Variants in DLGAP2 observed in about 807,000 individuals in gnomAD.
DLGAP2 encodes DLG associated protein 2, also known as disks large-associated protein 2.
Under a neutral mutation model 100.3 loss-of-function variants are expected in DLGAP2, and 26 were observed. The ratio of observed to expected loss-of-function variants is 0.26; its 90% CI spans 0.19 to 0.36. The LOEUF is 0.36. Ranked by LOEUF, DLGAP2 falls within the 10% of genes least tolerant of loss-of-function variation. DLGAP2 has a pLI of 1.00. For missense variants in DLGAP2, 1,858 were observed against 1,453.2 expected (o/e 1.28, Z -4.53); for synonymous variants, 886 against 630.1 (o/e 1.41, Z -6.08).
chr8:1,023,422 G>A (rs1801684272), intron 2 of DLGAP2, among the ~76,000 whole-genome samples: 1 of 152,160 alleles, frequency 6.6e-6, no homozygotes, highest in African/African-American at 2.4e-5. Context: ...TCTAACTCCT[G>A]GGTTCAAGCA....
rs147648592 is a variant in DLGAP2 at position 974,605 on chromosome 8, T to A, written c.73+66639T>A. 3.1e-3 allele frequency among the ~76,000 whole-genome samples: 473 copies of A among 152,272 alleles called. 3 individuals carry two copies. Among genetic ancestry groups the A allele is most frequent in the African/African-American group, 0.011 (446 of 41,566 alleles). On this transcript the variant is annotated intron_variant, in intron 2 of 14. Transcript: ENST00000637795. The stretch of plus-strand genomic sequence containing the variant: ...TTAGTAACAGAAAGATAGCCAGAAG[T>A]TTCCAAAATATATAGATACTAAACA...
At chr8:1,407,705 A>G (rs1389478830) in intron 3 of DLGAP2, among the ~76,000 whole-genome samples, 39 of 96,536 alleles carry the variant, frequency 4.0e-4, no homozygotes, top group African/African-American at 1.4e-3. Flanking sequence ...CTCATCCTCC[A>G]GAGTCGTGTA....
At chr8:1,184,967 T>C (rs1797467862) in intron 2 of DLGAP2, among the ~76,000 whole-genome samples, 1 of 152,096 alleles carries the variant, frequency 6.6e-6, no homozygotes, top group African/African-American at 2.4e-5. Flanking sequence ...CCAGGTTTGC[T>C]AGGGAGCTCA....
intron 2 of DLGAP2, among the ~76,000 whole-genome samples, chr8:1,159,295 C>T (rs913523882): frequency 6.6e-6 from 1 of 152,154 alleles, no homozygotes; most frequent in Non-Finnish European, 1.5e-5. Flanking sequence ...TTGTTTAATC[C>T]TTTAAGGAAA....
intron 2 of DLGAP2, among the ~76,000 whole-genome samples, chr8:999,632 T>C (rs565939955): frequency 1.9e-4 from 29 of 151,990 alleles, no homozygotes; most frequent in South Asian, 8.3e-4. Context: ...GCGCCTGCCA[T>C]CATGCCTGGC....
intron 1 of DLGAP2, among the ~76,000 whole-genome samples, chr8:873,798 G>GT (rs1367889677): frequency 6.6e-6 from 1 of 152,156 alleles, no homozygotes; most frequent in Non-Finnish European, 1.5e-5. Flanking sequence ...TTGTGGCTTA[G>GT]TTAAGGTTTG....
Position 1,668,531 on chromosome 8 carries a change from G to A in DLGAP2, c.2013G>A (p.Lys671=), listed in dbSNP as rs1179364286. 2.5e-6 allele frequency: 4 copies of A among 1,593,290 alleles called. No homozygotes were observed. In the African/African-American group the frequency reaches 4.0e-5, roughly 16 times the overall value. Reference sequence around the variant, plus strand: ...CCACGGACAGCCTGGACAGCAACAAGGCCATGAACCTCGCGCTGGAAACGG... The same window carrying A: ...CCACGGACAGCCTGGACAGCAACAAAGCCATGAACCTCGCGCTGGAAACGG... The part of the protein sequence containing the change: ...YNSTDSLDSN[K]AMNLALETAA... Residue 671 remains lysine (K), a synonymous_variant, in exon 9 of 15, where the codon AAG becomes AAA. Transcript: ENST00000637795.
chr8:1,153,483 C>G (rs182495888), intron 2 of DLGAP2, among the ~76,000 whole-genome samples: 1 of 152,260 alleles, frequency 6.6e-6, no homozygotes, highest in Non-Finnish European at 1.5e-5. Flanking sequence ...TATACGAAAT[C>G]CTTTCCCCGC....
chr8:765,134 C>T (rs771276421), intron 1 of DLGAP2, among the ~76,000 whole-genome samples: 24 of 152,130 alleles, frequency 1.6e-4, no homozygotes, highest in Admixed American at 1.3e-4. Flanking sequence ...CCCGTCTCCA[C>T]GCCCAGGTTT....
At chr8:816,794 A>C (rs1391800590) in intron 1 of DLGAP2, among the ~76,000 whole-genome samples, 1 of 152,144 alleles carries the variant, frequency 6.6e-6, no homozygotes, top group African/African-American at 2.4e-5. Flanking sequence ...GTTTTCTTTG[A>C]TTGTTCCCTC....
intron 2 of DLGAP2, among the ~76,000 whole-genome samples, chr8:1,077,284 C>A (rs2129038667): frequency 6.6e-6 from 1 of 152,266 alleles, no homozygotes. Context: ...CTAAACGCAA[C>A]CATGTTGGGA....
intron 3 of DLGAP2, among the ~76,000 whole-genome samples, chr8:1,281,639 C>T (rs755101289): frequency 9.2e-5 from 14 of 152,186 alleles, no homozygotes; most frequent in Non-Finnish European, 1.8e-4. Flanking sequence ...AAAATCCATA[C>T]ACAATCAAGA....
chr8:1,227,523 C>G (rs942264982), intron 2 of DLGAP2, among the ~76,000 whole-genome samples: 1 of 148,642 alleles, frequency 6.7e-6, no homozygotes, highest in East Asian at 2.0e-4. Context: ...TGATGGAGTT[C>G]TGCTCTGTCG....
chr8:885,400 A>G (rs748287434), intron 1 of DLGAP2, among the ~76,000 whole-genome samples: 1 of 152,124 alleles, frequency 6.6e-6, no homozygotes, highest in African/African-American at 2.4e-5. Flanking sequence ...TGTGAATGGG[A>G]GTTCACTCAT....
At chr8:873,959 A>G (rs968578747) in intron 1 of DLGAP2, among the ~76,000 whole-genome samples, 10 of 152,108 alleles carry the variant, frequency 6.6e-5, no homozygotes, top group African/African-American at 1.9e-4. Context: ...CTTTCTAGAA[A>G]TGTGTCCATT....
At chr8:746,947 G>T (rs1325044574) in intron 1 of DLGAP2, among the ~76,000 whole-genome samples, 1 of 152,198 alleles carries the variant, frequency 6.6e-6, no homozygotes, top group Admixed American at 6.5e-5. Context: ...CACCTTTGCA[G>T]TAAGGAAACC....
At chr8:1,063,337 G>C (rs1256526190) in intron 2 of DLGAP2, among the ~76,000 whole-genome samples, 1 of 152,110 alleles carries the variant, frequency 6.6e-6, no homozygotes, top group Non-Finnish European at 1.5e-5. Context: ...GCATGCTTCT[G>C]AGTGCACACA....
intron 2 of DLGAP2, among the ~76,000 whole-genome samples, chr8:1,099,548 G>T (rs1164917373): frequency 6.6e-6 from 1 of 152,228 alleles, no homozygotes; most frequent in South Asian, 2.1e-4. Context: ...CATTAGAGGA[G>T]GGACTTCGTC....
intron 3 of DLGAP2, among the ~76,000 whole-genome samples, chr8:1,480,944 G>A (rs1017825879): frequency 4.6e-5 from 7 of 151,888 alleles, no homozygotes; most frequent in Non-Finnish European, 7.4e-5. Flanking sequence ...AGGCCGAGGC[G>A]GGCAGATCAC....
Sources: allele counts gnomAD v4.1 joint callset (sites outside exome capture counted in the v4.1 genomes callset), GRCh38; gene constraint gnomAD v4.1.1; transcripts MANE v1.5; gene names NCBI Gene and HGNC (gene_info 2026-07-23, HGNC 2026-07-21).